Variants in PDZRN3 observed in about 807,000 individuals in gnomAD.
PDZRN3 encodes the protein E3 ubiquitin-protein ligase PDZRN3.
PDZRN3 carries 38 observed loss-of-function variants against 85.7 expected under a neutral mutation model. The ratio of observed to expected loss-of-function variants is 0.44; its 90% CI spans 0.34 to 0.58. The LOEUF is 0.58. Among genes scored for constraint, PDZRN3 ranks in the 20% least tolerant of loss-of-function variants. PDZRN3 has a pLI of 0.01. For synonymous variants in PDZRN3, 759 were observed against 638.0 expected (o/e 1.19, Z -2.86); for missense variants, 1,629 against 1,506.4 (o/e 1.08, Z -1.35).
chr3:73,490,482 G>C (rs1020062031), intron 3 of PDZRN3, among the ~76,000 whole-genome samples: 2 of 152,170 alleles, frequency 1.3e-5, no homozygotes, highest in African/African-American at 4.8e-5. Flanking sequence ...AGCAGATCTT[G>C]CTCCTTTTGG....
At chr3:73,479,636 C>G (rs1703523971) in intron 3 of PDZRN3, among the ~76,000 whole-genome samples, 1 of 152,150 alleles carries the variant, frequency 6.6e-6, no homozygotes, top group African/African-American at 2.4e-5. Flanking sequence ...CAGGCCCAAG[C>G]CTTTCCCTTT....
intron 3 of PDZRN3, among the ~76,000 whole-genome samples, chr3:73,453,420 A>AAC (rs1702911478): frequency 2.2e-5 from 2 of 90,894 alleles, no homozygotes; most frequent in African/African-American, 3.7e-5. Flanking sequence ...AAAAAAAAAA[A>AAC]AAACAAAAAA....
At chr3:73,502,580 C>T (rs1405316422) in intron 3 of PDZRN3, among the ~76,000 whole-genome samples, 1 of 152,180 alleles carries the variant, frequency 6.6e-6, no homozygotes, top group Non-Finnish European at 1.5e-5. Flanking sequence ...CTTGCCTTAC[C>T]CATAAGGCTG....
chr3:73,575,065 A>G (rs1376832880), intron 3 of PDZRN3, among the ~76,000 whole-genome samples: 2 of 152,218 alleles, frequency 1.3e-5, no homozygotes, highest in Non-Finnish European at 2.9e-5. Flanking sequence ...AAAATCCCCA[A>G]GCTCTAAAGG....
At chr3:73,505,310 C>T (rs1308129036) in intron 3 of PDZRN3, among the ~76,000 whole-genome samples, 1 of 152,144 alleles carries the variant, frequency 6.6e-6, no homozygotes, top group Non-Finnish European at 1.5e-5. Context: ...ATAGACTTTG[C>T]TTCAGGATTC....
At chr3:73,488,702 C>CT (rs1234077665) in intron 3 of PDZRN3, among the ~76,000 whole-genome samples, 2 of 152,220 alleles carry the variant, frequency 1.3e-5, no homozygotes, top group African/African-American at 4.8e-5. Context: ...ACCAACAGGG[C>CT]TGGCTTCGTG....
intron 1 of PDZRN3, among the ~76,000 whole-genome samples, chr3:73,620,942 C>G (rs1237385416): frequency 6.6e-6 from 1 of 152,192 alleles, no homozygotes; most frequent in Non-Finnish European, 1.5e-5. Flanking sequence ...TAGACAATGA[C>G]CAGTGAAACC....
intron 3 of PDZRN3, among the ~76,000 whole-genome samples, chr3:73,444,619 C>A (rs1293413074): frequency 6.6e-6 from 1 of 152,194 alleles, no homozygotes; most frequent in East Asian, 1.9e-4. Flanking sequence ...ACTCAAGCAG[C>A]TGATGATGTC....
At chr3:73,618,276 C>T (rs1702796236) in intron 1 of PDZRN3, among the ~76,000 whole-genome samples, 1 of 152,154 alleles carries the variant, frequency 6.6e-6, no homozygotes, top group Non-Finnish European at 1.5e-5. Context: ...AATGCATGTA[C>T]ACCTCCAATC....
At chr3:73,435,236 G>A (rs1702509634) in intron 3 of PDZRN3, among the ~76,000 whole-genome samples, 2 of 152,164 alleles carry the variant, frequency 1.3e-5, no homozygotes, top group South Asian at 2.1e-4. Flanking sequence ...CACCGAAGAC[G>A]AGGCACAGTG....
chr3:73,383,970 A>G lies in PDZRN3; in HGVS notation c.2596T>C (p.Ser866Pro), dbSNP rs781665762. ...GSAYLPSYHH[S>P]PYKHAHIPAH... ...GGGATGTGCGCGTGCTTGTATGGGGAGTGGTGATAGGAGGGCAGGTAGGCG... is the reference window on the plus strand; with the variant it reads ...GGGATGTGCGCGTGCTTGTATGGGGGGTGGTGATAGGAGGGCAGGTAGGCG... The change falls in exon 10 of 10, where the codon TCC becomes CCC. Residue 866 changes from serine (S) to proline (P), a missense_variant. Ser to Pro is a moderately conservative substitution (Grantham distance 74). Coordinates refer to ENST00000263666, the MANE Select transcript of PDZRN3 (RefSeq NM_015009.3). The G allele has an allele frequency of 6.3e-7, 1 of 1,595,558 alleles. No homozygotes were observed. Among genetic ancestry groups the G allele is most frequent in the Non-Finnish European group, 8.5e-7 (1 of 1,172,140 alleles).
At chr3:73,582,542 G>C (rs1702216502) in intron 3 of PDZRN3, among the ~76,000 whole-genome samples, 1 of 151,950 alleles carries the variant, frequency 6.6e-6, no homozygotes, top group South Asian at 2.1e-4. Flanking sequence ...TTTTTATGAT[G>C]ATTATTGTTT....
intron 1 of PDZRN3, among the ~76,000 whole-genome samples, chr3:73,617,807 G>A (rs1702787567): frequency 6.6e-6 from 1 of 152,134 alleles, no homozygotes; most frequent in African/African-American, 2.4e-5. Flanking sequence ...CAGAGTTCAA[G>A]CAATTCTCCT....
At chr3:73,597,764 A>C (rs1161238453) in intron 3 of PDZRN3, among the ~76,000 whole-genome samples, 1 of 151,630 alleles carries the variant, frequency 6.6e-6, no homozygotes, top group Non-Finnish European at 1.5e-5. Context: ...AAAAAGATGA[A>C]GAGAGAAATA....
intron 8 of PDZRN3, 107 bp from the exon 9 acceptor site, chr3:73,385,892 T>A: frequency 1.4e-6 from 1 of 692,522 alleles, no homozygotes; most frequent in Non-Finnish European, 2.6e-6. Flanking sequence ...TAGGGCTTCC[T>A]CCAAGAGTCA....
intron 3 of PDZRN3, among the ~76,000 whole-genome samples, chr3:73,512,091 T>A (rs2106709315): frequency 6.6e-6 from 1 of 152,382 alleles, no homozygotes; most frequent in East Asian, 1.9e-4. Flanking sequence ...TACACACACC[T>A]AGGTGTCTCA....
chr3:73,605,630 C>T (rs1405072934), intron 2 of PDZRN3, among the ~76,000 whole-genome samples: 2 of 152,210 alleles, frequency 1.3e-5, no homozygotes, highest in Non-Finnish European at 2.9e-5. Flanking sequence ...ATCATTTGTA[C>T]TGTATTCTTC....
chr3:73,388,237 C>G, intron 7 of PDZRN3, 168 bp from the exon 8 acceptor site: 1 of 527,504 alleles, frequency 1.9e-6, no homozygotes, highest in South Asian at 3.0e-5. Context: ...AAGGAAAGGT[C>G]TTGCTCAGAC....
chr3:73,427,517 A>AT (rs1330044609), intron 3 of PDZRN3, among the ~76,000 whole-genome samples: 1 of 151,152 alleles, frequency 6.6e-6, no homozygotes, highest in East Asian at 2.0e-4. Context: ...TTAAAGCTGG[A>AT]TTTTTTCACT....
Sources: gnomAD v4.1 joint callset for allele counts (sites outside exome capture counted in the v4.1 genomes callset) on GRCh38, gnomAD v4.1.1 for gene constraint, MANE v1.5 for transcripts, NCBI Gene and HGNC (gene_info 2026-07-23, HGNC 2026-07-21) for gene names.